Variants in LPP observed in about 807,000 individuals in gnomAD.
LPP encodes the protein lipoma-preferred partner.
LPP carries 38 observed loss-of-function variants against 60.4 expected under a neutral mutation model. That is an observed-to-expected ratio of 0.63 (90% CI 0.49 to 0.83). The LOEUF is 0.83. Among genes scored for constraint, LPP ranks in the 40% least tolerant of loss-of-function variants. The probability of loss-of-function intolerance (pLI) is 0.00; values close to 1 mark genes in which losing one functional copy is unlikely to be tolerated. For synonymous variants in LPP, 328 were observed against 290.8 expected (o/e 1.13, Z -1.30); for missense variants, 902 against 783.6 (o/e 1.15, Z -1.80).
chr3:188,878,573 C>T lies in LPP; in HGVS notation c.*4094C>T, dbSNP rs1769518641. ...AAAAAGACACCTCTGCAAAATGTGC[C>T]TCAAGTCCATTTCTTGGGATCGCTC... On this transcript the variant is annotated 3_prime_UTR_variant, in exon 12 of 12. Coordinates refer to ENST00000617246, the MANE Select transcript of LPP (RefSeq NM_001375462.1). 1 of 210,868 alleles carries T rather than the reference C, an allele frequency of 4.7e-6. No homozygotes were observed. Among genetic ancestry groups the T allele is most frequent in the Admixed American group, 5.9e-5 (1 of 16,902 alleles). The allele number at this position is 210,868 out of a possible 1,614,324, so 13.1% of individuals were successfully genotyped here.
chr3:188,469,216 A>G (rs182853757), intron 4 of LPP, among the ~76,000 whole-genome samples: 5 of 152,242 alleles, frequency 3.3e-5, no homozygotes, highest in East Asian at 3.9e-4. Flanking sequence ...AAACTTTGCT[A>G]TTGATCTGGG....
rs781155583 is a variant in LPP at position 188,841,393 on chromosome 3, G to GGTTTTT, written c.1411-24807_1411-24806insGTTTTT. ...TTGGTCACCTGCCCTTTCTGAATTT[G>GGTTTTT]TTTTTTTTTTTTTTTTTGAGATGGA... On this transcript the variant is annotated intron_variant, in intron 9 of 11. Coordinates refer to ENST00000617246, the MANE Select transcript of LPP (RefSeq NM_001375462.1). 9.9e-4 allele frequency among the ~76,000 whole-genome samples: 112 copies of GGTTTTT among 112,868 alleles called. 2 individuals are homozygous for GGTTTTT. The highest frequency in any genetic ancestry group is 8.0e-4 in the Non-Finnish European group (47 of 58,496). 74.0% of individuals were successfully genotyped at this position (112,868 alleles called of 152,430 possible). A position where few individuals can be genotyped will look rare whatever the true frequency, so the allele number is the denominator to read the frequency against.
intron 6 of LPP, among the ~76,000 whole-genome samples, chr3:188,606,718 C>T (rs1342670991): frequency 2.0e-5 from 3 of 151,934 alleles, no homozygotes; most frequent in Non-Finnish European, 2.9e-5. Flanking sequence ...TTACAGAGGA[C>T]GTGGAAAAGG....
chr3:188,536,664 A>C (rs1031074514), intron 6 of LPP, among the ~76,000 whole-genome samples: 2 of 149,228 alleles, frequency 1.3e-5, no homozygotes, highest in African/African-American at 2.5e-5. Context: ...AAAGTAGCAT[A>C]TTCTGCTGGT....
At position 188,577,741 on chromosome 3, in the gene LPP, CTTTGTTCCTTCGTTCCTTCG is replaced by C. The variant is rs1485710208; in HGVS notation, c.430-31417_430-31398del. 2.8e-3 allele frequency among the ~76,000 whole-genome samples: 257 copies of C among 92,298 alleles called. 1 individual carries two copies. The highest frequency in any genetic ancestry group is 4.6e-3 in the Non-Finnish European group (190 of 41,292). 60.6% of individuals were successfully genotyped at this position (92,298 alleles called of 152,430 possible). ...CTCCTCTCTTTGGTTTCCTTCCTTC[CTTTGTTCCTTCGTTCCTTCG>C]TTCCTTCCTTCCTTCCTTCTGTCCT... On this transcript the variant is annotated intron_variant, in intron 6 of 11. Coordinates refer to ENST00000617246, the MANE Select transcript of LPP (RefSeq NM_001375462.1).
At chr3:188,310,833 T>C (rs1753168851) in intron 2 of LPP, among the ~76,000 whole-genome samples, 1 of 152,126 alleles carries the variant, frequency 6.6e-6, no homozygotes, top group Non-Finnish European at 1.5e-5. Flanking sequence ...ATTATTGCTA[T>C]TATTATTTTT....
intron 7 of LPP, among the ~76,000 whole-genome samples, chr3:188,699,894 G>C (rs1421606868): frequency 6.6e-6 from 1 of 152,146 alleles, no homozygotes; most frequent in Admixed American, 6.6e-5. Flanking sequence ...AAAAGTAGAA[G>C]CAGCCACAGG....
intron 7 of LPP, among the ~76,000 whole-genome samples, chr3:188,618,622 C>A (rs1405614549): frequency 2.0e-5 from 3 of 152,162 alleles, no homozygotes; most frequent in Non-Finnish European, 4.4e-5. Context: ...AGTTTAGAGA[C>A]TAAAACTTCT....
intron 2 of LPP, among the ~76,000 whole-genome samples, chr3:188,256,465 G>A (rs1381241013): frequency 6.6e-6 from 1 of 152,078 alleles, no homozygotes; most frequent in Non-Finnish European, 1.5e-5. Flanking sequence ...ATGCATTTAT[G>A]ACACCAAACA....
At chr3:188,703,519 G>A (rs1449469148) in intron 7 of LPP, among the ~76,000 whole-genome samples, 1 of 152,198 alleles carries the variant, frequency 6.6e-6, no homozygotes, top group Non-Finnish European at 1.5e-5. Context: ...GTATTCCACA[G>A]GTGTTAAGTA....
At chr3:188,706,669 G>A (rs1320663351) in intron 7 of LPP, among the ~76,000 whole-genome samples, 1 of 152,206 alleles carries the variant, frequency 6.6e-6, no homozygotes. Flanking sequence ...TCAGAGATTT[G>A]TACTTTACAG....
chr3:188,530,621 AT>A (rs1821929255), intron 6 of LPP, among the ~76,000 whole-genome samples: 1 of 152,232 alleles, frequency 6.6e-6, no homozygotes, highest in Non-Finnish European at 1.5e-5. Context: ...TCCCCGAACT[AT>A]GACACAAAGG....
In LPP at chr3:188,412,738, G is replaced by C. The variant is rs563582691; in HGVS notation, c.193+6425G>C. ...GTGACCCTTTTTACAAACCAGCTTTGTGAATATTGGTTCACATAGACTTGT... is the reference window on the plus strand; with the variant it reads ...GTGACCCTTTTTACAAACCAGCTTTCTGAATATTGGTTCACATAGACTTGT... On this transcript the variant is annotated intron_variant, in intron 4 of 11. Coordinates refer to ENST00000617246, the MANE Select transcript of LPP (RefSeq NM_001375462.1). Among the ~76,000 whole-genome samples the C allele has an allele frequency of 2.0e-5, 3 of 152,190 alleles. No homozygotes were observed. In the East Asian group the frequency reaches 5.8e-4, roughly 29 times the overall value.
At chr3:188,781,729 A>AG (rs1008256750) in intron 9 of LPP, among the ~76,000 whole-genome samples, 11 of 151,736 alleles carry the variant, frequency 7.2e-5, no homozygotes, top group African/African-American at 1.2e-4. Context: ...TAAAAAAAAA[A>AG]AAATACAAAA....
intron 2 of LPP, among the ~76,000 whole-genome samples, chr3:188,339,564 C>A (rs1762508609): frequency 1.3e-5 from 2 of 152,160 alleles, no homozygotes; most frequent in Non-Finnish European, 2.9e-5. Context: ...GCACCTTCTT[C>A]ACAGGGCGGC....
chr3:188,430,368 T>C (rs1790586785), intron 4 of LPP, among the ~76,000 whole-genome samples: 1 of 152,206 alleles, frequency 6.6e-6, no homozygotes, highest in African/African-American at 2.4e-5. Context: ...TCTTTAATTA[T>C]TTTTAAAAGT....
chr3:188,592,790 T>G (rs1193300015), intron 6 of LPP, among the ~76,000 whole-genome samples: 1 of 152,014 alleles, frequency 6.6e-6, no homozygotes, highest in African/African-American at 2.4e-5. Context: ...TCTGCCTGCC[T>G]TGGCCTCCCA....
chr3:188,859,614 G>A (rs1216203743), intron 9 of LPP, among the ~76,000 whole-genome samples: 1 of 152,140 alleles, frequency 6.6e-6, no homozygotes, highest in African/African-American at 2.4e-5. Context: ...TAGGCTTTCT[G>A]CAATATTAGA....
chr3:188,686,070 A>G (rs927141122), intron 7 of LPP, among the ~76,000 whole-genome samples: 2 of 152,172 alleles, frequency 1.3e-5, no homozygotes, highest in African/African-American at 4.8e-5. Context: ...CTCTAATCCC[A>G]GATTTCCTCC....
Sources: allele counts gnomAD v4.1 joint callset (sites outside exome capture counted in the v4.1 genomes callset), GRCh38; gene constraint gnomAD v4.1.1; transcripts MANE v1.5; gene names NCBI Gene and HGNC (gene_info 2026-07-23, HGNC 2026-07-21).